The following MED13L variants were observed in gnomAD, a reference collection of about 807,000 sequenced individuals.
The protein encoded by MED13L is mediator complex subunit 13L.
MED13L carries 7 observed loss-of-function variants against 220.9 expected under a neutral mutation model. The observed-to-expected ratio is 0.03, with a 90% CI of 0.02 to 0.06. The LOEUF is 0.06. Among genes scored for constraint, MED13L ranks in the 10% least tolerant of loss-of-function variants. The probability of loss-of-function intolerance (pLI) is 1.00; values close to 1 mark genes in which losing one functional copy is unlikely to be tolerated. For synonymous variants in MED13L, 1,011 were observed against 1,015.2 expected, an observed-to-expected ratio of 1.00 and a Z score of 0.08; for missense variants, 1,965 against 2,760.5, an observed-to-expected ratio of 0.71 and a Z score of 6.46.
At chr12:116,052,109 C>T (rs1341481223) in intron 4 of MED13L, among the ~76,000 whole-genome samples, 1 of 150,274 alleles carries the variant, frequency 6.7e-6, no homozygotes, top group Admixed American at 6.6e-5. Flanking sequence ...ACACATAAAA[C>T]TATATAAGAA....
chr12:116,255,112 G>A (rs567932287), intron 1 of MED13L, among the ~76,000 whole-genome samples: 5 of 152,142 alleles, frequency 3.3e-5, no homozygotes, highest in East Asian at 1.9e-4. Context: ...GAACAAAGTC[G>A]GAGAATTTAT....
At chr12:115,963,096 T>C (rs1875882950) in intron 30 of MED13L, among the ~76,000 whole-genome samples, 1 of 152,182 alleles carries the variant, frequency 6.6e-6, no homozygotes, top group Non-Finnish European at 1.5e-5. Flanking sequence ...CTTTAAGAGT[T>C]CCAGACACTG....
chr12:116,088,992 A>C (rs1027373634), intron 4 of MED13L, among the ~76,000 whole-genome samples: 3 of 152,160 alleles, frequency 2.0e-5, no homozygotes, highest in African/African-American at 4.8e-5. Context: ...TTAGTAGCAA[A>C]AATCTGTAAG....
At chr12:116,276,710 C>CA (rs1873874465) in intron 1 of MED13L, 9 of 1,148,892 alleles carry the variant, frequency 7.8e-6, no homozygotes, top group Non-Finnish European at 9.7e-6. Flanking sequence ...TCCACATTTA[C>CA]GGGGGGAAAA....
chr12:116,203,877 C>T (rs1287550776), intron 2 of MED13L, among the ~76,000 whole-genome samples: 1 of 152,118 alleles, frequency 6.6e-6, no homozygotes, highest in African/African-American at 2.4e-5. Context: ...ATCACTCAGA[C>T]TTACGAATTG....
At chr12:116,102,785 G>A (rs1401176713) in intron 3 of MED13L, among the ~76,000 whole-genome samples, 5 of 129,702 alleles carry the variant, frequency 3.9e-5, no homozygotes, top group African/African-American at 1.2e-4. Flanking sequence ...GCAGTGGCGT[G>A]ATCTTGGCTC....
At chr12:116,230,859 T>C (rs1464149906) in intron 2 of MED13L, among the ~76,000 whole-genome samples, 11 of 152,204 alleles carry the variant, frequency 7.2e-5, no homozygotes, top group Admixed American at 6.5e-5. Flanking sequence ...CAAAAATCAA[T>C]TGAAAGTTCA....
At chr12:116,203,462 C>T (rs538358669) in intron 2 of MED13L, among the ~76,000 whole-genome samples, 2 of 151,588 alleles carry the variant, frequency 1.3e-5, no homozygotes, top group South Asian at 4.2e-4. Context: ...AAAAACAGTC[C>T]AGTGCTAGAG....
chr12:115,997,766 G>C (rs1878499381), intron 14 of MED13L, among the ~76,000 whole-genome samples: 1 of 152,126 alleles, frequency 6.6e-6, no homozygotes, highest in East Asian at 1.9e-4. Flanking sequence ...TTATGGTCTG[G>C]CTTCACATTA....
At chr12:116,068,051 C>T (rs1870084854) in intron 4 of MED13L, among the ~76,000 whole-genome samples, 1 of 152,150 alleles carries the variant, frequency 6.6e-6, no homozygotes, top group Non-Finnish European at 1.5e-5. Context: ...ACAGTATGAA[C>T]CCTCAGACCA....
At chr12:115,982,070 T>A (rs948192739) in intron 22 of MED13L, 1 of 303,346 alleles carries the variant, frequency 3.3e-6, no homozygotes, top group African/African-American at 2.2e-5. Flanking sequence ...AGTCAAAATT[T>A]AATCAAAACT....
chr12:116,173,540 T>C (rs1879832491), intron 2 of MED13L, among the ~76,000 whole-genome samples: 1 of 152,154 alleles, frequency 6.6e-6, no homozygotes, highest in Non-Finnish European at 1.5e-5. Flanking sequence ...TAATGAAAAA[T>C]AATTATACAT....
intron 4 of MED13L, among the ~76,000 whole-genome samples, chr12:116,066,140 C>T (rs968854002): frequency 1.3e-5 from 2 of 152,216 alleles, no homozygotes; most frequent in African/African-American, 4.8e-5. Flanking sequence ...TGTGCACACA[C>T]AGAGTTCCAT....
At chr12:115,974,893 T>A (rs1303486942) in intron 25 of MED13L, among the ~76,000 whole-genome samples, 1 of 152,232 alleles carries the variant, frequency 6.6e-6, no homozygotes, top group African/African-American at 2.4e-5. Context: ...AATATATAAA[T>A]AAATGTTCGA....
chr12:115,985,854 T>C (rs569847811), intron 19 of MED13L, among the ~76,000 whole-genome samples: 1 of 152,332 alleles, frequency 6.6e-6, no homozygotes, highest in African/African-American at 2.4e-5. Flanking sequence ...TTTACACTGT[T>C]GTCAGGAACT....
chr12:115,992,009 G>A, intron 16 of MED13L, 52 bp from the exon 17 acceptor site: 1 of 1,469,298 alleles, frequency 6.8e-7, no homozygotes, highest in Admixed American at 1.8e-5. Flanking sequence ...CACAGATGCT[G>A]AACTAGACAC....
At chr12:115,993,070 T>C (rs1878170946) in intron 16 of MED13L, among the ~76,000 whole-genome samples, 1 of 152,094 alleles carries the variant, frequency 6.6e-6, no homozygotes, top group Admixed American at 6.6e-5. Context: ...GCATTTACAT[T>C]GTATTAGGCA....
chr12:115,993,786 A>G (rs1878225000), intron 16 of MED13L, among the ~76,000 whole-genome samples: 1 of 152,212 alleles, frequency 6.6e-6, no homozygotes, highest in South Asian at 2.1e-4. Context: ...TTTATCTTGT[A>G]ATCTGATTTT....
At chr12:116,022,683 G>A in intron 4 of MED13L, 82 bp from the exon 5 acceptor site, 2 of 1,434,020 alleles carry the variant, frequency 1.4e-6, no homozygotes, top group Non-Finnish European at 1.9e-6. Context: ...GTAAGATACA[G>A]CTCTACTTTA....
Sources: allele counts gnomAD v4.1 joint callset (sites outside exome capture counted in the v4.1 genomes callset), GRCh38; gene constraint gnomAD v4.1.1; transcripts MANE v1.5; gene names NCBI Gene and HGNC (gene_info 2026-07-23, HGNC 2026-07-21).